The following LAMA2 variants were observed in gnomAD, a reference collection of about 807,000 sequenced individuals.
LAMA2 encodes laminin subunit alpha-2.
LAMA2 carries 269 observed loss-of-function variants against 364.8 expected under a neutral mutation model. The ratio of observed to expected loss-of-function variants is 0.74; its 90% CI spans 0.67 to 0.82. The LOEUF (loss-of-function observed/expected upper bound fraction) is 0.82. Among genes scored for constraint, LAMA2 ranks in the 40% least tolerant of loss-of-function variants. The pLI, the probability that LAMA2 is intolerant of heterozygous loss-of-function variation, is 0.00. For synonymous variants in LAMA2, 1,379 were observed against 1,370.6 expected, an observed-to-expected ratio of 1.01 and a Z score of -0.14; for missense variants, 3,807 against 3,873.2, an observed-to-expected ratio of 0.98 and a Z score of 0.45.
rs76482828 is a variant in LAMA2 at position 129,313,533 on chromosome 6, A to G, written c.3411+436A>G. Among the ~76,000 whole-genome samples the G allele has an allele frequency of 3.6e-3, 555 of 152,342 alleles. 4 individuals carry two copies. Among genetic ancestry groups the G allele is most frequent in the African/African-American group, 0.013 (539 of 41,578 alleles). ...TCGCTGTATACTAGAAAATATATTTACTGCTGTGGAAGTTTAGTAAAATTT... is the reference window on the plus strand; with the variant it reads ...TCGCTGTATACTAGAAAATATATTTGCTGCTGTGGAAGTTTAGTAAAATTT... On this transcript the variant is annotated intron_variant, in intron 23 of 64. Transcript: ENST00000421865.
At chr6:129,145,714 AAT>A (rs1778393087) in intron 5 of LAMA2, among the ~76,000 whole-genome samples, 1 of 151,962 alleles carries the variant, frequency 6.6e-6, no homozygotes, top group Admixed American at 6.6e-5. Context: ...TCAACATATA[AAT>A]ATGTTTTTTG....
chr6:129,017,499 G>T (rs1276243208), intron 1 of LAMA2, among the ~76,000 whole-genome samples: 1 of 151,460 alleles, frequency 6.6e-6, no homozygotes, highest in Non-Finnish European at 1.5e-5. Flanking sequence ...TGTCAGATAC[G>T]ACAGGTGAAC....
At chr6:129,393,805 A>C (rs558978466) in intron 37 of LAMA2, among the ~76,000 whole-genome samples, 1 of 152,226 alleles carries the variant, frequency 6.6e-6, no homozygotes, top group Non-Finnish European at 1.5e-5. Context: ...GCACATGACA[A>C]ATAGCTCAAT....
chr6:129,085,899 G>A (rs1774355286), intron 3 of LAMA2, among the ~76,000 whole-genome samples: 1 of 152,184 alleles, frequency 6.6e-6, no homozygotes, highest in Non-Finnish European at 1.5e-5. Context: ...TTTGTTAACT[G>A]CTTTGCATTC....
chr6:128,993,251 C>G (rs1783716571), intron 1 of LAMA2, among the ~76,000 whole-genome samples: 1 of 152,164 alleles, frequency 6.6e-6, no homozygotes, highest in South Asian at 2.1e-4. Flanking sequence ...ATATTACTGA[C>G]CAGCAGAAAG....
chr6:129,376,892 G>T (rs919148747), intron 34 of LAMA2, among the ~76,000 whole-genome samples: 4 of 151,940 alleles, frequency 2.6e-5, no homozygotes, highest in African/African-American at 9.7e-5. Flanking sequence ...GACTCCAAAT[G>T]GGCAAGAAAC....
At chr6:129,448,288 A>C (rs78891483) in intron 45 of LAMA2, among the ~76,000 whole-genome samples, 23,885 of 147,934 alleles carry the variant, frequency 0.16, 1,996 homozygotes, top group East Asian at 0.23. Context: ...GTCCCCCCCC[A>C]AAAAAAAAGA....
intron 1 of LAMA2, among the ~76,000 whole-genome samples, chr6:129,042,327 A>T (rs1157137710): frequency 6.6e-6 from 1 of 152,142 alleles, no homozygotes; most frequent in Non-Finnish European, 1.5e-5. Context: ...AATAATAATG[A>T]TAAATTAATT....
intron 14 of LAMA2, 21 bp from the exon 15 acceptor site, chr6:129,260,690 C>A: frequency 7.1e-7 from 1 of 1,418,280 alleles, no homozygotes; most frequent in Non-Finnish European, 1.0e-6. Context: ...TATTCACCAT[C>A]TCTTTTTTCC....
intron 34 of LAMA2, among the ~76,000 whole-genome samples, chr6:129,377,840 A>G (rs1007539835): frequency 6.6e-6 from 1 of 152,218 alleles, no homozygotes; most frequent in African/African-American, 2.4e-5. Flanking sequence ...GCACAGTAGA[A>G]CTGCTTGAGC....
At chr6:129,475,052 A>G (rs941007943) in intron 52 of LAMA2, among the ~76,000 whole-genome samples, 3 of 152,162 alleles carry the variant, frequency 2.0e-5, no homozygotes, top group Admixed American at 6.6e-5. Context: ...GGCAATATTT[A>G]TAAGCCATTC....
At chr6:128,883,999 C>T (rs9482950) in intron 1 of LAMA2, among the ~76,000 whole-genome samples, 2 of 151,798 alleles carry the variant, frequency 1.3e-5, no homozygotes, top group South Asian at 4.2e-4. Flanking sequence ...GTAGTGAAAT[C>T]GTGAAATTTC....
chr6:129,477,643 G>C (rs1033729434), intron 53 of LAMA2, among the ~76,000 whole-genome samples: 4 of 152,068 alleles, frequency 2.6e-5, no homozygotes, highest in African/African-American at 9.7e-5. Flanking sequence ...AGTGTAGTTT[G>C]AGTATAAAAG....
chr6:129,122,561 A>G (rs1396834813), intron 4 of LAMA2, among the ~76,000 whole-genome samples: 1 of 152,168 alleles, frequency 6.6e-6, no homozygotes, highest in African/African-American at 2.4e-5. Flanking sequence ...GAAGTTTACC[A>G]TCTGATTTTT....
At chr6:129,390,960 G>T (rs1235804235) in intron 35 of LAMA2, among the ~76,000 whole-genome samples, 3 of 152,088 alleles carry the variant, frequency 2.0e-5, no homozygotes, top group Admixed American at 1.3e-4. Context: ...TCCTAGAAGG[G>T]TTATAAGTCT....
chr6:129,080,088 T>C (rs929265770), intron 3 of LAMA2, among the ~76,000 whole-genome samples: 2 of 152,202 alleles, frequency 1.3e-5, no homozygotes, highest in Non-Finnish European at 2.9e-5. Context: ...GAGTTACTAC[T>C]GGCACTTTTT....
intron 45 of LAMA2, among the ~76,000 whole-genome samples, chr6:129,450,136 A>G (rs1223332770): frequency 6.8e-6 from 1 of 147,782 alleles, no homozygotes. Context: ...CCCCTTTTCA[A>G]CACACTAATC....
At chr6:129,364,409 A>T (rs1048758094) in intron 32 of LAMA2, among the ~76,000 whole-genome samples, 1 of 152,204 alleles carries the variant, frequency 6.6e-6, no homozygotes, top group Non-Finnish European at 1.5e-5. Flanking sequence ...TCTAACATGT[A>T]TATAGCATTG....
intron 52 of LAMA2, 57 bp from the exon 53 acceptor site, chr6:129,475,333 A>C: frequency 1.0e-6 from 1 of 979,608 alleles, no homozygotes. Flanking sequence ...ATGAAAATGT[A>C]ATTATAAGTA....
Sources: allele counts gnomAD v4.1 joint callset (sites outside exome capture counted in the v4.1 genomes callset), GRCh38; gene constraint gnomAD v4.1.1; transcripts MANE v1.5; gene names NCBI Gene and HGNC (gene_info 2026-07-23, HGNC 2026-07-21).